The following CLNK variants were observed in gnomAD, a reference collection of about 807,000 sequenced individuals.
CLNK encodes cytokine-dependent hematopoietic cell linker.
CLNK carries 74 observed loss-of-function variants against 68.6 expected under a neutral mutation model. That is an observed-to-expected ratio of 1.08 (90% CI 0.89 to 1.31). The LOEUF (loss-of-function observed/expected upper bound fraction) is 1.31, where lower values mean the gene tolerates loss of function less well. Among genes scored for constraint, CLNK ranks in the 50% most tolerant of loss-of-function variants. CLNK has a pLI of 0.00. For synonymous variants in CLNK, 198 were observed against 172.2 expected (o/e 1.15, Z -1.17); for missense variants, 553 against 515.3 (o/e 1.07, Z -0.71).
the CLNK span, among the ~76,000 whole-genome samples, chr4:10,704,758 T>C: frequency 7.9e-5 from 12 of 152,026 alleles, no homozygotes; most frequent in Non-Finnish European, 1.8e-4. Context: ...AATCAGGGAG[T>C]AGTTAACACA....
At chr4:10,689,329 C>T (rs1240646465), upstream of CLNK, among the ~76,000 whole-genome samples, 1 of 152,014 alleles carries the variant, frequency 6.6e-6, no homozygotes, top group Non-Finnish European at 1.5e-5. Flanking sequence ...GAGATGGGAT[C>T]TCCCTATGTT....
At chr4:10,648,505 T>A (rs908087039) in intron 2 of CLNK, among the ~76,000 whole-genome samples, 1 of 152,210 alleles carries the variant, frequency 6.6e-6, no homozygotes, top group African/African-American at 2.4e-5. Context: ...TCTCACATAA[T>A]CTCTTGTCAC....
chr4:10,675,687 C>A (rs1457032021), intron 1 of CLNK, among the ~76,000 whole-genome samples: 2 of 152,058 alleles, frequency 1.3e-5, no homozygotes, highest in Non-Finnish European at 2.9e-5. Flanking sequence ...AAAATACTGG[C>A]CTCTATTTAT....
intron 2 of CLNK, among the ~76,000 whole-genome samples, chr4:10,633,885 T>C (rs1423908117): frequency 1.3e-5 from 2 of 152,228 alleles, no homozygotes; most frequent in East Asian, 3.8e-4. Flanking sequence ...GGCTAAACAA[T>C]GTTGGGTGCT....
intron 12 of CLNK, among the ~76,000 whole-genome samples, chr4:10,530,069 C>A (rs76408584): frequency 2.0e-5 from 3 of 151,802 alleles, no homozygotes; most frequent in Non-Finnish European, 2.9e-5. Flanking sequence ...TCCTTTCATT[C>A]CTTCCTTCCG....
Position 10,545,228 on chromosome 4 carries a change from G to A in CLNK, c.446-2948C>T, listed in dbSNP as rs140787452. Among the ~76,000 whole-genome samples the A allele has an allele frequency of 3.2e-4, 49 of 152,202 alleles. 2 individuals carry two copies. The East Asian group carries it at 9.1e-3, about 28-fold the overall frequency. ...CCAAAGTTCAGAGTCTCCTCTGTGA[G>A]CCTGTGAAATCAAAACAAATTATCT... On this transcript the variant is annotated intron_variant, in intron 8 of 18. Transcript: ENST00000226951.
chr4:10,509,265 G>C (rs562908633), intron 16 of CLNK, among the ~76,000 whole-genome samples: 1 of 152,286 alleles, frequency 6.6e-6, no homozygotes, highest in East Asian at 1.9e-4. Context: ...CTGTTCACAT[G>C]ATGTGATGGA....
chr4:10,721,582 C>G, the CLNK span, among the ~76,000 whole-genome samples: 2 of 152,114 alleles, frequency 1.3e-5, no homozygotes, highest in Non-Finnish European at 2.9e-5. Context: ...ACATTTTCTT[C>G]TTTTGTTCAT....
At chr4:10,679,750 A>G (rs907453064) in intron 1 of CLNK, among the ~76,000 whole-genome samples, 1 of 152,242 alleles carries the variant, frequency 6.6e-6, no homozygotes, top group Non-Finnish European at 1.5e-5. Context: ...TATGCAGCCA[A>G]AAAACACATG....
At chr4:10,728,308 C>T in the CLNK span, among the ~76,000 whole-genome samples, 2 of 152,008 alleles carry the variant, frequency 1.3e-5, no homozygotes, top group African/African-American at 4.8e-5. Context: ...TACACAAATA[C>T]CATGAGTTTT....
chr4:10,526,651 C>T (rs1412355933), intron 13 of CLNK, among the ~76,000 whole-genome samples: 1 of 152,108 alleles, frequency 6.6e-6, no homozygotes, highest in African/African-American at 2.4e-5. Flanking sequence ...CAGGTGAGCT[C>T]CTAGGGTTCT....
At chr4:10,708,300 A>G in the CLNK span, among the ~76,000 whole-genome samples, 10 of 152,224 alleles carry the variant, frequency 6.6e-5, no homozygotes, top group Middle Eastern at 3.2e-3. Flanking sequence ...AAAAACTAAC[A>G]ATATTTATTA....
chr4:10,607,123 C>T (rs1312293519), intron 2 of CLNK, among the ~76,000 whole-genome samples: 2 of 152,144 alleles, frequency 1.3e-5, no homozygotes. Context: ...ATTGGTAGTC[C>T]ATTCTAGGCA....
intron 2 of CLNK, among the ~76,000 whole-genome samples, chr4:10,645,955 A>T (rs1723494583): frequency 6.6e-6 from 1 of 152,154 alleles, no homozygotes; most frequent in South Asian, 2.1e-4. Flanking sequence ...CCCATTATTT[A>T]TTAAGGAAAA....
At chr4:10,577,859 C>T (rs1448509912) in intron 4 of CLNK, among the ~76,000 whole-genome samples, 1 of 152,050 alleles carries the variant, frequency 6.6e-6, no homozygotes. Flanking sequence ...TGTTTTATCT[C>T]CTTATGGAGG....
At chr4:10,585,977 G>T (rs1720950976) in intron 3 of CLNK, among the ~76,000 whole-genome samples, 1 of 152,266 alleles carries the variant, frequency 6.6e-6, no homozygotes, top group South Asian at 2.1e-4. Context: ...GGAAGAAATT[G>T]TTCTACCTCA....
intron 2 of CLNK, among the ~76,000 whole-genome samples, chr4:10,667,427 T>TA: frequency 6.6e-6 from 1 of 151,670 alleles, no homozygotes; most frequent in African/African-American, 2.4e-5. Flanking sequence ...TTTTTTTTTT[T>TA]AATCAGGCAC....
At chr4:10,514,708 A>G (rs1560196462) in intron 15 of CLNK, among the ~76,000 whole-genome samples, 1 of 151,272 alleles carries the variant, frequency 6.6e-6, no homozygotes, top group African/African-American at 2.4e-5. Flanking sequence ...CTTCATGTCC[A>G]AAACACCAAA....
At chr4:10,656,173 A>G (rs1335233313) in intron 2 of CLNK, among the ~76,000 whole-genome samples, 1 of 152,010 alleles carries the variant, frequency 6.6e-6, no homozygotes, top group East Asian at 1.9e-4. Context: ...AAATGAATGA[A>G]TCATAAGGAA....
Sources: gnomAD v4.1 joint callset for allele counts (sites outside exome capture counted in the v4.1 genomes callset) on GRCh38, gnomAD v4.1.1 for gene constraint, MANE v1.5 for transcripts, NCBI Gene and HGNC (gene_info 2026-07-23, HGNC 2026-07-21) for gene names.